Variants in ITPR2 observed in about 807,000 individuals in gnomAD.
ITPR2 encodes the protein inositol 1,4,5-trisphosphate receptor type 2, also known as inositol 1,4,5-trisphosphate-gated calcium channel ITPR2.
A neutral mutation model predicts 317.1 loss-of-function variants in ITPR2; 207 were observed. The ratio of observed to expected loss-of-function variants is 0.65; its 90% CI spans 0.58 to 0.73. The LOEUF (loss-of-function observed/expected upper bound fraction) is 0.73. Among genes scored for constraint, ITPR2 ranks in the 30% least tolerant of loss-of-function variants. ITPR2 has a pLI of 0.00. For missense variants in ITPR2, 2,613 were observed against 3,284.0 expected (o/e 0.80, Z 4.99); for synonymous variants, 1,156 against 1,149.1 (o/e 1.01, Z -0.12).
chr12:26,457,965 TAA>T (rs2136776001), intron 45 of ITPR2, among the ~76,000 whole-genome samples: 1 of 152,012 alleles, frequency 6.6e-6, no homozygotes, highest in Non-Finnish European at 1.5e-5. Context: ...CAGAAAAAAA[TAA>T]GAGTAACCAG....
chr12:26,406,918 A>C (rs1283769547), intron 52 of ITPR2, among the ~76,000 whole-genome samples: 4 of 152,172 alleles, frequency 2.6e-5, no homozygotes, highest in Non-Finnish European at 5.9e-5. Flanking sequence ...TAATACAGGC[A>C]TTCCTGTATT....
At chr12:26,742,468 T>C (rs776689112) in intron 2 of ITPR2, among the ~76,000 whole-genome samples, 1 of 152,190 alleles carries the variant, frequency 6.6e-6, no homozygotes, top group Non-Finnish European at 1.5e-5. Context: ...AACTGATAGA[T>C]GGACAAACAA....
intron 55 of ITPR2, among the ~76,000 whole-genome samples, chr12:26,344,130 C>T (rs763778436): frequency 3.9e-5 from 6 of 152,214 alleles, no homozygotes; most frequent in South Asian, 2.1e-4. Context: ...CCTCACCAGA[C>T]GTGGGCACCT....
At chr12:26,790,288 G>A in intron 1 of ITPR2, 61 bp from the exon 2 acceptor site, 2 of 1,252,966 alleles carry the variant, frequency 1.6e-6, no homozygotes, top group East Asian at 2.3e-5. Flanking sequence ...ACCACAGACT[G>A]CACATGGATA....
At chr12:26,822,092 G>A (rs1238229436) in intron 1 of ITPR2, among the ~76,000 whole-genome samples, 1 of 152,142 alleles carries the variant, frequency 6.6e-6, no homozygotes, top group African/African-American at 2.4e-5. Context: ...ATCTCAGAGA[G>A]CTAGAGAACT....
At chr12:26,532,294 A>G (rs888051719) in intron 37 of ITPR2, among the ~76,000 whole-genome samples, 1 of 152,252 alleles carries the variant, frequency 6.6e-6, no homozygotes, top group East Asian at 1.9e-4. Context: ...ACTTGCCAAA[A>G]CAAATAGCAA....
intron 55 of ITPR2, among the ~76,000 whole-genome samples, chr12:26,341,377 C>A (rs1187356504): frequency 6.6e-6 from 1 of 152,144 alleles, no homozygotes; most frequent in Non-Finnish European, 1.5e-5. Context: ...ATGGCTACAA[C>A]AACCTCTGCC....
At chr12:26,550,467 C>T (rs1226865883) in intron 36 of ITPR2, 112 bp from the exon 37 acceptor site, 3 of 620,780 alleles carry the variant, frequency 4.8e-6, no homozygotes, top group Non-Finnish European at 8.5e-6. Flanking sequence ...GAATATGAAG[C>T]AAACCAGGTA....
chr12:26,700,780 G>A (rs564287790), intron 9 of ITPR2, among the ~76,000 whole-genome samples: 23 of 152,216 alleles, frequency 1.5e-4, no homozygotes, highest in African/African-American at 5.5e-4. Flanking sequence ...GGAAGAGGTG[G>A]GTGGACCCAA....
At chr12:26,470,471 TA>T (rs950488313) in intron 45 of ITPR2, among the ~76,000 whole-genome samples, 1 of 152,180 alleles carries the variant, frequency 6.6e-6, no homozygotes, top group African/African-American at 2.4e-5. Flanking sequence ...TAAACTTCAT[TA>T]AAATGAACCT....
Position 26,400,402 on chromosome 12 carries a change from CAATA to C in ITPR2, c.7400-148_7400-145del, listed in dbSNP as rs1435912015. On this transcript the variant is annotated intron_variant, in intron 52 of 56. Transcript: ENST00000381340. ...TTATACACATATGTAAATATACATACAATAAATAAATATACCTAAATATACATAA... is the reference window on the plus strand; with the variant it reads ...TTATACACATATGTAAATATACATACAATAAATATACCTAAATATACATAA... 8 of 338,840 alleles carry C rather than the reference CAATA, an allele frequency of 2.4e-5. No homozygotes were observed. The South Asian group carries it at 3.9e-4, about 16-fold the overall frequency. The allele number at this position is 338,840 out of a possible 1,614,324, so 21.0% of individuals were successfully genotyped here.
chr12:26,425,493 C>T (rs1941029897), intron 49 of ITPR2, among the ~76,000 whole-genome samples: 1 of 151,822 alleles, frequency 6.6e-6, no homozygotes, highest in African/African-American at 2.4e-5. Context: ...ATGGTGAAAC[C>T]TCATCTCCAC....
At chr12:26,425,359 A>AT (rs897846515) in intron 49 of ITPR2, among the ~76,000 whole-genome samples, 12 of 151,666 alleles carry the variant, frequency 7.9e-5, no homozygotes, top group Non-Finnish European at 1.5e-4. Flanking sequence ...ATTAAAGTTG[A>AT]TTTTTTTTTG....
At chr12:26,706,915 G>C (rs1948562428) in intron 9 of ITPR2, among the ~76,000 whole-genome samples, 2 of 152,162 alleles carry the variant, frequency 1.3e-5, no homozygotes, top group Non-Finnish European at 2.9e-5. Flanking sequence ...TGGACATTCT[G>C]TATCTCTGAT....
intron 34 of ITPR2, among the ~76,000 whole-genome samples, chr12:26,576,364 ACG>A (rs1945275263): frequency 6.6e-6 from 1 of 152,216 alleles, no homozygotes; most frequent in Non-Finnish European, 1.5e-5. Context: ...AATAAAAATT[ACG>A]TTCTCTTTCT....
intron 45 of ITPR2, among the ~76,000 whole-genome samples, chr12:26,464,830 G>A (rs1942129261): frequency 6.6e-6 from 1 of 152,178 alleles, no homozygotes; most frequent in South Asian, 2.1e-4. Flanking sequence ...ACCCAGGCTT[G>A]GGCTACAGGA....
intron 36 of ITPR2, among the ~76,000 whole-genome samples, chr12:26,551,974 G>GA (rs1944535470): frequency 6.6e-6 from 1 of 152,212 alleles, no homozygotes; most frequent in Non-Finnish European, 1.5e-5. Context: ...CCCATTGTGA[G>GA]AAAGAGACCA....
chr12:26,682,840 AAGCATGC>A (rs1453306883), intron 11 of ITPR2, among the ~76,000 whole-genome samples, 167 bp from the exon 12 acceptor site: 3 of 152,232 alleles, frequency 2.0e-5, no homozygotes, highest in African/African-American at 4.8e-5. Context: ...GACTATTTCA[AAGCATGC>A]AGCATTTTTA....
chr12:26,642,704 C>G (rs563295078), intron 21 of ITPR2, among the ~76,000 whole-genome samples: 8 of 152,320 alleles, frequency 5.3e-5, no homozygotes, highest in South Asian at 2.1e-4. Context: ...GACAATGGCA[C>G]AGAAATGTTC....
Sources: gnomAD v4.1 joint callset for allele counts (sites outside exome capture counted in the v4.1 genomes callset) on GRCh38, gnomAD v4.1.1 for gene constraint, MANE v1.5 for transcripts, NCBI Gene and HGNC (gene_info 2026-07-23, HGNC 2026-07-21) for gene names.